The following TNR variants were observed in gnomAD, a reference collection of about 807,000 sequenced individuals.
TNR encodes the protein tenascin-R.
TNR carries 45 observed loss-of-function variants against 150.4 expected under a neutral mutation model. The observed-to-expected ratio is 0.30, with a 90% CI of 0.24 to 0.38. The LOEUF (loss-of-function observed/expected upper bound fraction) is 0.38. TNR is among the 10% of genes least tolerant of loss of function. The pLI is 1.00. For missense variants in TNR, 1,544 were observed against 1,759.1 expected, an observed-to-expected ratio of 0.88 and a Z score of 2.19; for synonymous variants, 687 against 678.4, an observed-to-expected ratio of 1.01 and a Z score of -0.20.
intron 4 of TNR, among the ~76,000 whole-genome samples, chr1:175,400,439 C>A (rs984375621): frequency 6.6e-6 from 1 of 152,104 alleles, no homozygotes; most frequent in African/African-American, 2.4e-5. Flanking sequence ...GTTTTAAGTT[C>A]TCATATTCAT....
intron 2 of TNR, among the ~76,000 whole-genome samples, chr1:175,456,698 T>C (rs1377726678): frequency 1.3e-5 from 2 of 152,124 alleles, no homozygotes; most frequent in Non-Finnish European, 1.5e-5. Flanking sequence ...GTATGGCCCA[T>C]GTTCAGCACA....
In TNR at chr1:175,452,882, A is replaced by G. The variant is rs537072718; in HGVS notation, c.-63-46105T>C. On this transcript the variant is annotated intron_variant, in intron 2 of 22. Transcript: ENST00000367674. Reference sequence around the variant, plus strand: ...GCATACTATTCAGTCTTAAAAAGGAAGGAGATTCTGACACATGCTACAACA... The same window carrying G: ...GCATACTATTCAGTCTTAAAAAGGAGGGAGATTCTGACACATGCTACAACA... Among the ~76,000 whole-genome samples, 6 of 152,314 alleles carry G rather than the reference A, an allele frequency of 3.9e-5. No individual in the cohort carries two copies. The South Asian group carries it at 1.0e-3, about 26-fold the overall frequency.
At chr1:175,457,054 G>A (rs754686677) in intron 2 of TNR, among the ~76,000 whole-genome samples, 3 of 152,176 alleles carry the variant, frequency 2.0e-5, no homozygotes, top group Non-Finnish European at 4.4e-5. Context: ...TAGATAAATT[G>A]TCAGCAGTCC....
In TNR at chr1:175,406,555, A is replaced by G. The variant is rs1211092851; in HGVS notation, c.160T>C (p.Tyr54His). The change falls in exon 3 of 23, where the codon TAC becomes CAC. Residue 54 changes from tyrosine (Y) to histidine (H), a missense_variant. Physicochemically the swap from Tyr to His is moderately conservative, Grantham distance 83. Around this residue, in one of 2 missense-constraint regions of TNR, gnomAD observed 1,254 missense variants for 1,329.4 expected, o/e 0.94. Transcript: ENST00000367674. ...GGCTGCTCTTTGCTGGATGTGTTGT[A>G]GTTGGCAATGCCTCCCTCCTCCTCC... ...SVEEEGGIANYNTSSKEQPVV... is the reference protein window; with the variant it reads ...SVEEEGGIANHNTSSKEQPVV... 5 of 1,614,172 alleles carry G rather than the reference A, an allele frequency of 3.1e-6. No individual in the cohort carries two copies. Among genetic ancestry groups the G allele is most frequent in the Non-Finnish European group, 4.2e-6 (5 of 1,180,038 alleles).
intron 1 of TNR, chr1:175,539,135 CT>C (rs1660402650): frequency 6.6e-6 from 1 of 152,194 alleles, no homozygotes; most frequent in Admixed American, 6.5e-5. Flanking sequence ...CAGAGGCATG[CT>C]CCCAAATAAA....
rs1662227680 is a variant in TNR at position 175,578,951 on chromosome 1, C to T, written c.-164-50582G>A. ...CCCTGGATGTCATGGCAGGCCCTGT[C>T]TCAACTCACCAAGGCCAGGAACTCT... On this transcript the variant is annotated intron_variant, in intron 1 of 22. Transcript: ENST00000367674. 1.3e-5 allele frequency among the ~76,000 whole-genome samples: 2 copies of T among 152,176 alleles called. 1 individual carries two copies. Among genetic ancestry groups the T allele is most frequent in the South Asian group, 4.1e-4 (2 of 4,828 alleles).
At chr1:175,589,592 A>G (rs1025483783) in intron 1 of TNR, among the ~76,000 whole-genome samples, 3 of 152,202 alleles carry the variant, frequency 2.0e-5, no homozygotes, top group African/African-American at 4.8e-5. Flanking sequence ...AAATTTTAAA[A>G]TTTTAAGTTA....
intron 1 of TNR, among the ~76,000 whole-genome samples, chr1:175,657,879 A>ATG (rs1553251709): frequency 1.2e-4 from 14 of 121,106 alleles, no homozygotes; most frequent in South Asian, 1.1e-3. Flanking sequence ...ATATATATAT[A>ATG]TATATGTAAC....
intron 1 of TNR, among the ~76,000 whole-genome samples, chr1:175,632,904 T>C (rs1664375481): frequency 6.6e-6 from 1 of 152,210 alleles, no homozygotes; most frequent in African/African-American, 2.4e-5. Context: ...ACTGCCTCCC[T>C]ATACAAGGTT....
At chr1:175,647,240 A>G (rs1164896204) in intron 1 of TNR, among the ~76,000 whole-genome samples, 5 of 152,208 alleles carry the variant, frequency 3.3e-5, no homozygotes, top group Non-Finnish European at 7.3e-5. Context: ...TTTTCTTGAA[A>G]GCTCTTTCTA....
At chr1:175,607,017 C>T (rs1663432195) in intron 1 of TNR, among the ~76,000 whole-genome samples, 1 of 152,236 alleles carries the variant, frequency 6.6e-6, no homozygotes, top group Non-Finnish European at 1.5e-5. Flanking sequence ...GCCACTTTCA[C>T]ATGGGTCTTT....
intron 9 of TNR, among the ~76,000 whole-genome samples, chr1:175,369,875 A>C (rs946823499): frequency 3.3e-5 from 5 of 152,202 alleles, no homozygotes; most frequent in Admixed American, 1.3e-4. Context: ...CCCCTTCCTC[A>C]GTAGGCTTTT....
chr1:175,497,360 G>A (rs1172365283), intron 2 of TNR, among the ~76,000 whole-genome samples: 1 of 152,134 alleles, frequency 6.6e-6, no homozygotes, highest in East Asian at 1.9e-4. Flanking sequence ...GAAAGGCAAG[G>A]GACCAGGAAG....
At chr1:175,443,495 G>C (rs981755802) in intron 2 of TNR, among the ~76,000 whole-genome samples, 2 of 152,154 alleles carry the variant, frequency 1.3e-5, no homozygotes, top group African/African-American at 2.4e-5. Context: ...ATCATCTTCT[G>C]TGTGCTTAGC....
intron 1 of TNR, among the ~76,000 whole-genome samples, chr1:175,602,104 G>A (rs531821257): frequency 2.8e-5 from 4 of 142,370 alleles, no homozygotes; most frequent in Admixed American, 2.3e-4. Context: ...ATGTGGATCT[G>A]CTTTAAATTG....
intron 1 of TNR, among the ~76,000 whole-genome samples, chr1:175,669,214 G>A (rs745342112): frequency 2.6e-5 from 4 of 152,190 alleles, no homozygotes; most frequent in Admixed American, 2.6e-4. Context: ...GATTAAATGC[G>A]GTAACCATTA....
At chr1:175,331,025 C>CTTTA (rs1268272873) in intron 20 of TNR, among the ~76,000 whole-genome samples, 3 of 66,736 alleles carry the variant, frequency 4.5e-5, no homozygotes. Context: ...TTCTTTCTTT[C>CTTTA]TTTCTTTCTT....
intron 1 of TNR, among the ~76,000 whole-genome samples, chr1:175,727,025 C>A (rs1667499735): frequency 6.6e-6 from 1 of 152,172 alleles, no homozygotes; most frequent in Admixed American, 6.5e-5. Flanking sequence ...AATGAAGACC[C>A]TTTCTCCCTG....
At chr1:175,422,548 C>T (rs993671740) in intron 2 of TNR, among the ~76,000 whole-genome samples, 6 of 152,166 alleles carry the variant, frequency 3.9e-5, no homozygotes, top group African/African-American at 1.4e-4. Context: ...CCCGAGAGGG[C>T]TGGGACCCAC....
Sources: gnomAD v4.1 joint callset for allele counts (sites outside exome capture counted in the v4.1 genomes callset) on GRCh38, gnomAD v4.1.1 for gene constraint, gnomAD v4.1.1 regional missense constraint, MANE v1.5 for transcripts, NCBI Gene and HGNC (gene_info 2026-07-23, HGNC 2026-07-21) for gene names.